The following FAM193A variants were observed in gnomAD, a reference collection of about 807,000 sequenced individuals.
FAM193A encodes protein FAM193A.
FAM193A carries 22 observed loss-of-function variants against 126.5 expected under a neutral mutation model. That is an observed-to-expected ratio of 0.17 (90% CI 0.12 to 0.25). The LOEUF (loss-of-function observed/expected upper bound fraction) is 0.25. FAM193A is among the 10% of genes least tolerant of loss of function. FAM193A has a pLI of 1.00. For synonymous variants in FAM193A, 761 were observed against 646.8 expected (o/e 1.18, Z -2.68); for missense variants, 1,675 against 1,672.8 (o/e 1.00, Z -0.02).
chr4:2,582,862 T>A (rs953009676), intron 1 of FAM193A, among the ~76,000 whole-genome samples: 2 of 152,194 alleles, frequency 1.3e-5, no homozygotes, highest in African/African-American at 4.8e-5. Flanking sequence ...TTGCATATTC[T>A]TCTCCCAGTT....
intron 13 of FAM193A, among the ~76,000 whole-genome samples, chr4:2,685,422 A>G (rs1253169906): frequency 6.6e-6 from 1 of 152,204 alleles, no homozygotes; most frequent in South Asian, 2.1e-4. Context: ...AGCTATGTGG[A>G]TAATAGGGTC....
At chr4:2,554,872 A>G (rs1738162909) in intron 1 of FAM193A, among the ~76,000 whole-genome samples, 1 of 152,156 alleles carries the variant, frequency 6.6e-6, no homozygotes, top group Non-Finnish European at 1.5e-5. Flanking sequence ...TTTGTCTGAT[A>G]CTACTAATAT....
At chr4:2,613,609 A>G (rs1177019859) in intron 2 of FAM193A, among the ~76,000 whole-genome samples, 1 of 151,796 alleles carries the variant, frequency 6.6e-6, no homozygotes, top group Non-Finnish European at 1.5e-5. Context: ...ATGTGCCCCC[A>G]TGCCTGGCTA....
intron 1 of FAM193A, among the ~76,000 whole-genome samples, chr4:2,575,548 C>A (rs1577027654): frequency 6.7e-6 from 1 of 149,960 alleles, no homozygotes; most frequent in African/African-American, 2.5e-5. Flanking sequence ...CTCGCTGCAA[C>A]CTCTGCTTCC....
intron 1 of FAM193A, among the ~76,000 whole-genome samples, chr4:2,584,490 AT>A (rs1318799691): frequency 3.9e-5 from 6 of 151,990 alleles, no homozygotes; most frequent in African/African-American, 1.4e-4. Context: ...ATAAAAATGC[AT>A]AAAAGTAATG....
chr4:2,679,375 CTTTTTTTTTTT>C (rs796366785), intron 13 of FAM193A, among the ~76,000 whole-genome samples: 34 of 87,896 alleles, frequency 3.9e-4, no homozygotes, highest in African/African-American at 1.0e-3. Flanking sequence ...AGTTTTCTTT[CTTTTTTTTTTT>C]TTTTTTTTTT....
At chr4:2,718,325 G>A (rs1175425400) in intron 20 of FAM193A, among the ~76,000 whole-genome samples, 1 of 151,958 alleles carries the variant, frequency 6.6e-6, no homozygotes, top group African/African-American at 2.4e-5. Context: ...ATAATTAGAT[G>A]GAAGAAGAAT....
rs550828329 is a variant in FAM193A, at chr4:2,560,856, C to T, written c.255+23686C>T. 1.4e-4 allele frequency among the ~76,000 whole-genome samples: 22 copies of T among 152,290 alleles called. No homozygotes were observed. The South Asian group carries it at 4.1e-3, about 29-fold the overall frequency. On this transcript the variant is annotated intron_variant, in intron 1 of 20. Transcript: ENST00000637812. ...GGAGGCAGGAGCTCACCATGTTTCT[C>T]AGGCTGGTCTCGAACTCCTGGGCTC...
intron 13 of FAM193A, 91 bp downstream of exon 13, chr4:2,672,463 A>G: frequency 2.1e-6 from 3 of 1,402,720 alleles, no homozygotes; most frequent in Middle Eastern, 1.8e-4. Context: ...TGAATTAGCA[A>G]CTTGCATAGG....
intron 2 of FAM193A, among the ~76,000 whole-genome samples, chr4:2,597,422 CTCT>C (rs1740926731): frequency 6.6e-6 from 1 of 152,126 alleles, no homozygotes; most frequent in South Asian, 2.1e-4. Context: ...ACTTTATCAG[CTCT>C]TCTTCCGACT....
At chr4:2,553,285 G>A (rs894499376) in intron 1 of FAM193A, among the ~76,000 whole-genome samples, 1 of 152,048 alleles carries the variant, frequency 6.6e-6, no homozygotes, top group Non-Finnish European at 1.5e-5. Flanking sequence ...GCGATGATAG[G>A]ACCTGTGAAT....
intron 12 of FAM193A, among the ~76,000 whole-genome samples, chr4:2,669,213 C>T (rs559369608): frequency 2.0e-5 from 3 of 152,240 alleles, no homozygotes; most frequent in East Asian, 3.9e-4. Flanking sequence ...TAAATTCTGC[C>T]GAATTTAAGT....
At chr4:2,629,393 C>G (rs1743325399) in intron 4 of FAM193A, among the ~76,000 whole-genome samples, 1 of 152,146 alleles carries the variant, frequency 6.6e-6, no homozygotes, top group Non-Finnish European at 1.5e-5. Flanking sequence ...GTTGAAATGA[C>G]AGTTGTCATG....
chr4:2,702,872 CT>C (rs368030231), intron 19 of FAM193A, among the ~76,000 whole-genome samples: 384 of 152,254 alleles, frequency 2.5e-3, no homozygotes, highest in African/African-American at 8.1e-3. Flanking sequence ...TAAATTAGTT[CT>C]TTTCACCTTT....
intron 1 of FAM193A, among the ~76,000 whole-genome samples, chr4:2,567,599 A>G (rs1315278785): frequency 6.6e-6 from 1 of 152,076 alleles, no homozygotes; most frequent in Admixed American, 6.6e-5. Context: ...TGAGAAGATG[A>G]TTTTATTTTC....
intron 1 of FAM193A, among the ~76,000 whole-genome samples, chr4:2,557,115 T>C (rs1738305356): frequency 6.6e-6 from 1 of 152,150 alleles, no homozygotes; most frequent in South Asian, 2.1e-4. Flanking sequence ...AAGCTTAATT[T>C]GTAAATTAGG....
At chr4:2,548,418 C>T (rs1737702683) in intron 1 of FAM193A, among the ~76,000 whole-genome samples, 1 of 151,858 alleles carries the variant, frequency 6.6e-6, no homozygotes, top group South Asian at 2.1e-4. Flanking sequence ...AATTCAAATC[C>T]TTTGTCATAT....
intron 2 of FAM193A, among the ~76,000 whole-genome samples, chr4:2,603,700 CT>C (rs1253470861): frequency 6.6e-6 from 1 of 151,760 alleles, no homozygotes; most frequent in Non-Finnish European, 1.5e-5. Context: ...ACCTCGTGAT[CT>C]GCCCACCTTG....
intron 2 of FAM193A, among the ~76,000 whole-genome samples, chr4:2,611,964 G>A (rs1357296149): frequency 6.6e-6 from 1 of 151,148 alleles, no homozygotes; most frequent in Non-Finnish European, 1.5e-5. Context: ...AGCCTCCCAA[G>A]TAGCTGGGAC....
Sources: gnomAD v4.1 joint callset for allele counts (sites outside exome capture counted in the v4.1 genomes callset) on GRCh38, gnomAD v4.1.1 for gene constraint, MANE v1.5 for transcripts, NCBI Gene and HGNC (gene_info 2026-07-23, HGNC 2026-07-21) for gene names.